Variants in WWC1 observed in about 807,000 individuals in gnomAD.
WWC1 encodes protein KIBRA.
In WWC1, 55 loss-of-function variants were observed where a neutral mutation model predicts 138.4. The ratio of observed to expected loss-of-function variants is 0.40; its 90% confidence interval spans 0.32 to 0.50. The LOEUF is 0.50. Among genes scored for constraint, WWC1 ranks in the 20% least tolerant of loss-of-function variants. WWC1 has a pLI of 0.72. For missense variants in WWC1, 1,226 were observed against 1,420.4 expected, an observed-to-expected ratio of 0.86 and a Z score of 2.20; for synonymous variants, 524 against 564.9, an observed-to-expected ratio of 0.93 and a Z score of 1.03.
At chr5:168,421,484 G>C (rs186006991) in intron 9 of WWC1, among the ~76,000 whole-genome samples, 1 of 152,044 alleles carries the variant, frequency 6.6e-6, no homozygotes, top group Non-Finnish European at 1.5e-5. Flanking sequence ...CTTTAATATC[G>C]GTTCTCCCCA....
rs780422567 is a variant in WWC1 at position 168,408,613 on chromosome 5, A to G, written c.827A>G (p.Gln276Arg). The G allele has an allele frequency of 1.9e-6, 3 of 1,614,118 alleles. No homozygotes were observed. Among genetic ancestry groups the G allele is most frequent in the East Asian group, 4.5e-5 (2 of 44,892 alleles). Residue 276 changes from glutamine (Q) to arginine (R), a missense_variant, in exon 7 of 23, where the codon CAG (glutamine) becomes CGG (arginine). Physicochemically the swap from Gln to Arg is conservative, Grantham distance 43. This residue lies in a region of WWC1 where 1,016 missense variants were observed against 1,153.9 expected (regional missense o/e 0.88). Transcript: ENST00000265293. ...LESSSFPLPK[Q>R]YLDVSSQTDI... Reference sequence around the variant, plus strand: ...AGTTCGAGTTTCCCGCTACCGAAACAGTACCTGGATGTGAGCTCCCAGACA... The same window carrying G: ...AGTTCGAGTTTCCCGCTACCGAAACGGTACCTGGATGTGAGCTCCCAGACA...
chr5:168,370,946 G>A (rs1417282753), intron 1 of WWC1, among the ~76,000 whole-genome samples: 4 of 152,300 alleles, frequency 2.6e-5, no homozygotes, highest in East Asian at 1.9e-4. Context: ...TTGATGTTGC[G>A]GCAAGCCAGC....
intron 14 of WWC1, among the ~76,000 whole-genome samples, chr5:168,430,976 T>C (rs1395679515): frequency 1.3e-5 from 2 of 152,238 alleles, no homozygotes; most frequent in African/African-American, 4.8e-5. Context: ...CCAGGCTGAA[T>C]AGCCTCCTCC....
chr5:168,317,489 G>C (rs1026332942), intron 1 of WWC1, among the ~76,000 whole-genome samples: 2 of 152,078 alleles, frequency 1.3e-5, no homozygotes, highest in Non-Finnish European at 2.9e-5. Flanking sequence ...GATGGTAGTG[G>C]GGTGCAGAGT....
At chr5:168,322,450 T>C (rs1383015329) in intron 1 of WWC1, among the ~76,000 whole-genome samples, 1 of 152,168 alleles carries the variant, frequency 6.6e-6, no homozygotes, top group Non-Finnish European at 1.5e-5. Flanking sequence ...AGAAACCTTA[T>C]TTGCAGAAAC....
intron 1 of WWC1, among the ~76,000 whole-genome samples, chr5:168,300,166 C>G (rs974128424): frequency 6.6e-6 from 1 of 152,186 alleles, no homozygotes; most frequent in Non-Finnish European, 1.5e-5. Flanking sequence ...TTGCTGCTGC[C>G]TCGAATCCGT....
intron 19 of WWC1, among the ~76,000 whole-genome samples, chr5:168,459,377 T>C (rs1756609507): frequency 6.6e-6 from 1 of 152,138 alleles, no homozygotes. Context: ...TGCACATTAG[T>C]TTCATCCCTG....
chr5:168,408,608 G>T lies in WWC1; in HGVS notation c.822G>T (p.Pro274=), dbSNP rs1356011702. The T allele has an allele frequency of 1.2e-6, 2 of 1,614,192 alleles. No homozygotes were observed. Among genetic ancestry groups the T allele is most frequent in the Non-Finnish European group, 1.7e-6 (2 of 1,180,034 alleles). The change falls in exon 7 of 23, where the codon CCG becomes CCT. Residue 274 remains proline (P), a synonymous_variant. Coordinates refer to ENST00000265293, the MANE Select transcript of WWC1 (RefSeq NM_015238.3). Reference sequence around the variant, plus strand: ...TGGAGAGTTCGAGTTTCCCGCTACCGAAACAGTACCTGGATGTGAGCTCCC... The same window carrying T: ...TGGAGAGTTCGAGTTTCCCGCTACCTAAACAGTACCTGGATGTGAGCTCCC... The part of the protein sequence containing the change: ...SSLESSSFPL[P]KQYLDVSSQT...
At chr5:168,382,310 A>C (rs1777698377) in intron 2 of WWC1, among the ~76,000 whole-genome samples, 3 of 152,246 alleles carry the variant, frequency 2.0e-5, no homozygotes, top group Admixed American at 2.0e-4. Flanking sequence ...GTAAACAAAA[A>C]TTCATGTATA....
intron 1 of WWC1, among the ~76,000 whole-genome samples, chr5:168,344,214 T>C (rs563988914): frequency 1.3e-5 from 2 of 152,224 alleles, no homozygotes; most frequent in Non-Finnish European, 2.9e-5. Flanking sequence ...TTTGAGTGTT[T>C]TAAGGCAGCC....
Position 168,431,430 on chromosome 5 carries a change from C to T in WWC1, c.2266C>T (p.Leu756=), listed in dbSNP as rs1367459609. The change falls in exon 15 of 23, where the codon CTG becomes TTG. Residue 756 remains leucine (L), a synonymous_variant. Coordinates refer to ENST00000265293, the MANE Select transcript of WWC1 (RefSeq NM_015238.3). ...TGTCTGTACCACCGACAGGAGCCAT[C>T]TGGAAGAGTGCCTGGTAAGGGCCGT... ...VDVCTTDRSH[L]EECLGGAQIS... is the part of the protein sequence containing the mutation. 1.2e-6 allele frequency: 2 copies of T among 1,611,284 alleles called. No individual in the cohort carries two copies. The highest frequency in any genetic ancestry group is 2.2e-5 in the South Asian group (2 of 90,622).
Position 168,332,403 on chromosome 5 carries a change from A to G in WWC1, c.120-39021A>G, listed in dbSNP as rs574048099. 5.1e-4 allele frequency among the ~76,000 whole-genome samples: 78 copies of G among 152,306 alleles called. 1 individual carries two copies. The highest frequency in any genetic ancestry group is 3.3e-3 in the Admixed American group (50 of 15,292). On this transcript the variant is annotated intron_variant, in intron 1 of 22. Transcript: ENST00000265293. Reference sequence around the variant, plus strand: ...TAAGGTAAGGAAAGCTTTGGGTCATAACTTATTGGTAGTGTTTTCCTTTTC... The same window carrying G: ...TAAGGTAAGGAAAGCTTTGGGTCATGACTTATTGGTAGTGTTTTCCTTTTC...
At chr5:168,391,899 G>A (rs572293869) in intron 3 of WWC1, among the ~76,000 whole-genome samples, 1 of 151,262 alleles carries the variant, frequency 6.6e-6, no homozygotes, top group African/African-American at 2.4e-5. Flanking sequence ...AGAGAAAATG[G>A]GCTGATAGTG....
intron 5 of WWC1, among the ~76,000 whole-genome samples, chr5:168,403,549 AG>A (rs574255882): frequency 6.6e-5 from 10 of 152,188 alleles, no homozygotes; most frequent in Non-Finnish European, 1.2e-4. Context: ...AGGAGAGAAA[AG>A]GTTGATGAGG....
chr5:168,335,921 C>G (rs981728264), intron 1 of WWC1, among the ~76,000 whole-genome samples: 3 of 152,216 alleles, frequency 2.0e-5, no homozygotes, highest in African/African-American at 4.8e-5. Context: ...CTTTCCTCCC[C>G]CTAAGGGGAG....
At chr5:168,352,914 T>C (rs1352889302) in intron 1 of WWC1, among the ~76,000 whole-genome samples, 1 of 152,144 alleles carries the variant, frequency 6.6e-6, no homozygotes, top group Non-Finnish European at 1.5e-5. Context: ...TACAAAATAG[T>C]ACCATCTCAC....
At chr5:168,408,754 C>T in intron 7 of WWC1, 101 bp downstream of exon 7, 1 of 1,515,264 alleles carries the variant, frequency 6.6e-7, no homozygotes, top group Admixed American at 1.8e-5. Context: ...AGGGAGCTGG[C>T]CAGGGGTTCT....
At chr5:168,312,815 CTTTTTTTTTTTT>C (rs763253959) in intron 1 of WWC1, among the ~76,000 whole-genome samples, 1 of 123,772 alleles carries the variant, frequency 8.1e-6, no homozygotes, top group South Asian at 2.8e-4. Flanking sequence ...ATCCTAAGTA[CTTTTTTTTTTTT>C]TTTTTTTTTT....
At chr5:168,460,538 A>T in intron 19 of WWC1, 112 bp from the exon 20 acceptor site, 2 of 918,164 alleles carry the variant, frequency 2.2e-6, no homozygotes, top group Non-Finnish European at 3.3e-6. Context: ...TGTTTGCAGA[A>T]GGAGAGGAAG....
Sources: gnomAD v4.1 joint callset for allele counts (sites outside exome capture counted in the v4.1 genomes callset) on GRCh38, gnomAD v4.1.1 for gene constraint, gnomAD v4.1.1 regional missense constraint, MANE v1.5 for transcripts, NCBI Gene and HGNC (gene_info 2026-07-23, HGNC 2026-07-21) for gene names.